SH3RF3: variants seen among roughly 807,000 people sequenced by gnomAD.
The protein encoded by SH3RF3 is SH3 domain containing ring finger 3, also known as E3 ubiquitin-protein ligase SH3RF3.
A neutral mutation model predicts 66.3 loss-of-function variants in SH3RF3; 29 were observed. The ratio of observed to expected loss-of-function variants is 0.44; its 90% confidence interval spans 0.33 to 0.60. The LOEUF is 0.60. Among genes scored for constraint, SH3RF3 ranks in the 20% least tolerant of loss-of-function variants. The pLI is 0.04. For missense variants in SH3RF3, 1,194 were observed against 1,190.9 expected, an observed-to-expected ratio of 1.00 and a Z score of -0.04; for synonymous variants, 583 against 532.0, an observed-to-expected ratio of 1.10 and a Z score of -1.32.
At chr2:109,330,481 CT>C (rs1189547210) in intron 1 of SH3RF3, among the ~76,000 whole-genome samples, 2 of 152,094 alleles carry the variant, frequency 1.3e-5, no homozygotes, top group Admixed American at 1.3e-4. Context: ...TCCTTACGAA[CT>C]TTGTAAGAAT....
At chr2:109,474,857 A>G (rs1203862396) in intron 8 of SH3RF3, among the ~76,000 whole-genome samples, 2 of 152,204 alleles carry the variant, frequency 1.3e-5, no homozygotes. Flanking sequence ...ACACTCACTC[A>G]TAGTCCAGCA....
At chr2:109,415,432 ACT>A (rs1342760655) in intron 4 of SH3RF3, among the ~76,000 whole-genome samples, 1 of 151,956 alleles carries the variant, frequency 6.6e-6, no homozygotes, top group Admixed American at 6.6e-5. Flanking sequence ...GCCATGGTAG[ACT>A]CTGCACAGGG....
chr2:109,435,247 A>G (rs559887592), intron 6 of SH3RF3, among the ~76,000 whole-genome samples: 33 of 152,276 alleles, frequency 2.2e-4, no homozygotes, highest in African/African-American at 7.7e-4. Flanking sequence ...GCTCAGCACA[A>G]AACAGGAAAT....
chr2:109,169,250 C>T (rs1677698352), intron 1 of SH3RF3, among the ~76,000 whole-genome samples: 1 of 152,176 alleles, frequency 6.6e-6, no homozygotes, highest in African/African-American at 2.4e-5. Flanking sequence ...CATTTAAAAT[C>T]ATTTGGAAAG....
At chr2:109,465,010 T>A (rs1306101743) in intron 8 of SH3RF3, among the ~76,000 whole-genome samples, 1 of 152,220 alleles carries the variant, frequency 6.6e-6, no homozygotes, top group Non-Finnish European at 1.5e-5. Context: ...ACCACTGACC[T>A]TTTTACTGCC....
chr2:109,295,613 A>G (rs1681288820), intron 1 of SH3RF3, among the ~76,000 whole-genome samples: 1 of 152,202 alleles, frequency 6.6e-6, no homozygotes, highest in South Asian at 2.1e-4. Flanking sequence ...GCCACCTGCA[A>G]GTGCCCAGGC....
intron 1 of SH3RF3, among the ~76,000 whole-genome samples, chr2:109,198,417 C>T (rs1312921483): frequency 6.6e-6 from 1 of 152,186 alleles, no homozygotes; most frequent in Admixed American, 6.5e-5. Context: ...TAGAGGGGCA[C>T]AGTGGGCTAC....
chr2:109,355,982 G>T (rs1341683383), intron 2 of SH3RF3, among the ~76,000 whole-genome samples: 3 of 152,154 alleles, frequency 2.0e-5, no homozygotes, highest in African/African-American at 7.2e-5. Flanking sequence ...ATTGGGGGTG[G>T]AGAATCATTA....
In SH3RF3 at chr2:109,501,815, G is replaced by A. The variant is rs546448301; in HGVS notation, c.*144G>A. Reference sequence around the variant, plus strand: ...GGGGGATACCCTGGCCCAGGGTGGGGGCCAGGGACTGTGGAGGTCGTGCCT... The same window carrying A: ...GGGGGATACCCTGGCCCAGGGTGGGAGCCAGGGACTGTGGAGGTCGTGCCT... On this transcript the variant is annotated 3_prime_UTR_variant, in exon 10 of 10. Coordinates refer to ENST00000309415, the MANE Select transcript of SH3RF3 (RefSeq NM_001099289.3). The A allele has an allele frequency of 2.1e-5, 13 of 605,640 alleles. No individual in the cohort carries two copies. The highest frequency in any genetic ancestry group is 2.8e-5 in the Admixed American group (1 of 35,162). 37.5% of individuals were successfully genotyped at this position (605,640 alleles called of 1,614,324 possible).
At chr2:109,246,648 T>A (rs1197659153) in intron 1 of SH3RF3, among the ~76,000 whole-genome samples, 2 of 152,200 alleles carry the variant, frequency 1.3e-5, no homozygotes, top group Non-Finnish European at 2.9e-5. Flanking sequence ...TGCACGTGTC[T>A]TATTTGACCT....
At chr2:109,186,580 T>C (rs1436371077) in intron 1 of SH3RF3, among the ~76,000 whole-genome samples, 4 of 152,170 alleles carry the variant, frequency 2.6e-5, no homozygotes, top group African/African-American at 9.7e-5. Flanking sequence ...AGCAAACAAA[T>C]AACCTCCTGC....
chr2:109,297,288 G>C (rs966714887), intron 1 of SH3RF3, among the ~76,000 whole-genome samples: 5 of 152,134 alleles, frequency 3.3e-5, no homozygotes, highest in Admixed American at 6.5e-5. Context: ...GTACGTAACA[G>C]AGAAGACTGA....
chr2:109,233,926 T>A (rs931398012), intron 1 of SH3RF3, among the ~76,000 whole-genome samples: 2 of 152,252 alleles, frequency 1.3e-5, no homozygotes, highest in African/African-American at 4.8e-5. Context: ...CATATGGAGG[T>A]ACCACAGTTT....
chr2:109,498,044 C>T (rs1679296842), intron 9 of SH3RF3, among the ~76,000 whole-genome samples: 3 of 152,308 alleles, frequency 2.0e-5, no homozygotes, highest in African/African-American at 7.2e-5. Flanking sequence ...ATTTCACAGA[C>T]CGCTGGCTGC....
At chr2:109,197,201 C>G (rs1419920891) in intron 1 of SH3RF3, among the ~76,000 whole-genome samples, 1 of 152,192 alleles carries the variant, frequency 6.6e-6, no homozygotes, top group Admixed American at 6.5e-5. Context: ...TGTTGCCCTT[C>G]CTGCCAACTC....
At chr2:109,414,903 C>A (rs1213835074) in intron 4 of SH3RF3, among the ~76,000 whole-genome samples, 2 of 152,206 alleles carry the variant, frequency 1.3e-5, no homozygotes, top group African/African-American at 4.8e-5. Flanking sequence ...AGTGCTGATC[C>A]CAGAACCTGA....
chr2:109,156,706 G>A (rs1381606827), intron 1 of SH3RF3, among the ~76,000 whole-genome samples: 2 of 152,102 alleles, frequency 1.3e-5, no homozygotes, highest in Admixed American at 1.3e-4. Context: ...GCCTCCCAAA[G>A]TGCTGGGATT....
At chr2:109,154,935 C>G (rs764789868) in intron 1 of SH3RF3, among the ~76,000 whole-genome samples, 2 of 152,174 alleles carry the variant, frequency 1.3e-5, no homozygotes, top group Non-Finnish European at 2.9e-5. Flanking sequence ...TTCCAAATCA[C>G]GACTTGTCAA....
chr2:109,410,880 T>C (rs1676571518), intron 4 of SH3RF3, among the ~76,000 whole-genome samples: 1 of 152,156 alleles, frequency 6.6e-6, no homozygotes, highest in Non-Finnish European at 1.5e-5. Flanking sequence ...GGAGATAGGA[T>C]GAACATCTGT....
Sources: gnomAD v4.1 joint callset for allele counts (sites outside exome capture counted in the v4.1 genomes callset) on GRCh38, gnomAD v4.1.1 for gene constraint, MANE v1.5 for transcripts, NCBI Gene and HGNC (gene_info 2026-07-23, HGNC 2026-07-21) for gene names.